The following FAM168A variants were observed in gnomAD, a reference collection of about 807,000 sequenced individuals.
FAM168A encodes protein FAM168A.
Under a neutral mutation model 28.5 loss-of-function variants are expected in FAM168A, and 3 were observed. The ratio of observed to expected loss-of-function variants is 0.11; its 90% CI spans 0.05 to 0.27. FAM168A has a LOEUF of 0.27. FAM168A is among the 10% of genes least tolerant of loss of function. FAM168A has a pLI of 1.00. For synonymous variants in FAM168A, 122 were observed against 124.2 expected (o/e 0.98, Z 0.12); for missense variants, 222 against 311.5 (o/e 0.71, Z 2.16).
intron 1 of FAM168A, among the ~76,000 whole-genome samples, chr11:73,525,056 G>C (rs1429677986): frequency 7.1e-6 from 1 of 140,166 alleles, no homozygotes; most frequent in Non-Finnish European, 1.5e-5. Context: ...TGTTTCTCTT[G>C]TGCTTGTATG....
intron 2 of FAM168A, among the ~76,000 whole-genome samples, chr11:73,457,746 A>AAAAAG (rs796775851): frequency 2.5e-4 from 35 of 138,480 alleles, no homozygotes; most frequent in East Asian, 7.8e-4. Flanking sequence ...AAAAAAAAAA[A>AAAAAG]AAAAGAAAAG....
intron 2 of FAM168A, among the ~76,000 whole-genome samples, chr11:73,437,300 GT>G (rs1184958784): frequency 1.3e-5 from 2 of 151,370 alleles, no homozygotes; most frequent in Admixed American, 1.3e-4. Context: ...GTTTCATCAT[GT>G]TGGCCAAGCT....
chr11:73,500,181 A>G (rs1854977727), intron 1 of FAM168A, among the ~76,000 whole-genome samples: 1 of 152,132 alleles, frequency 6.6e-6, no homozygotes, highest in South Asian at 2.1e-4. Flanking sequence ...CTCTCAGCAG[A>G]AACTCTTCAA....
intron 1 of FAM168A, among the ~76,000 whole-genome samples, chr11:73,582,820 G>T (rs549961597): frequency 2.2e-4 from 33 of 152,314 alleles, no homozygotes; most frequent in Non-Finnish European, 4.3e-4. Flanking sequence ...CATTCCAAGT[G>T]AGATTCCAGG....
chr11:73,511,433 T>C (rs1855224487), intron 1 of FAM168A, among the ~76,000 whole-genome samples: 1 of 151,980 alleles, frequency 6.6e-6, no homozygotes, highest in Non-Finnish European at 1.5e-5. Context: ...AGACGGGGTT[T>C]CACCTGTGTT....
intron 1 of FAM168A, among the ~76,000 whole-genome samples, chr11:73,469,468 G>C (rs1036708739): frequency 3.3e-5 from 5 of 152,176 alleles, no homozygotes; most frequent in African/African-American, 1.2e-4. Flanking sequence ...AAATGTTGAA[G>C]GCAGGCAGTG....
At chr11:73,430,301 T>C (rs1001083740) in intron 3 of FAM168A, 14 of 244,480 alleles carry the variant, frequency 5.7e-5, no homozygotes, top group Non-Finnish European at 1.1e-4. Flanking sequence ...TGTGTGTGTG[T>C]GTCCCAAGGG....
At chr11:73,444,101 C>G (rs774599916) in intron 2 of FAM168A, among the ~76,000 whole-genome samples, 1 of 152,190 alleles carries the variant, frequency 6.6e-6, no homozygotes, top group Admixed American at 6.5e-5. Context: ...ATTTACCAGA[C>G]ATAATATCAT....
chr11:73,474,926 G>A (rs1051232761), intron 1 of FAM168A, among the ~76,000 whole-genome samples: 6 of 152,156 alleles, frequency 3.9e-5, no homozygotes, highest in African/African-American at 1.4e-4. Context: ...GCCCAGAGAA[G>A]CCTCTACTAG....
At chr11:73,446,991 C>T (rs1867328245) in intron 2 of FAM168A, among the ~76,000 whole-genome samples, 1 of 152,208 alleles carries the variant, frequency 6.6e-6, no homozygotes, top group Non-Finnish European at 1.5e-5. Context: ...ATTTAGATGT[C>T]CTATTTCTTC....
rs530560520 is a variant in FAM168A at position 73,449,751 on chromosome 11, C to T, written c.70+18654G>A. ...CCATGCAGGCATAAGGCAACAGAGT[C>T]CAATGAACTCAGCATAAACTTACAA... On this transcript the variant is annotated intron_variant, in intron 2 of 7. Transcript: ENST00000356467. 8.5e-5 allele frequency among the ~76,000 whole-genome samples: 13 copies of T among 152,346 alleles called. No homozygotes were observed. The South Asian group carries it at 2.7e-3, about 32-fold the overall frequency.
At chr11:73,490,872 G>C (rs892840604) in intron 1 of FAM168A, among the ~76,000 whole-genome samples, 1 of 151,964 alleles carries the variant, frequency 6.6e-6, no homozygotes, top group African/African-American at 2.4e-5. Flanking sequence ...AAGCTCCATG[G>C]TGATTCAGAT....
intron 1 of FAM168A, among the ~76,000 whole-genome samples, chr11:73,567,123 G>C (rs1448088657): frequency 6.6e-6 from 1 of 152,206 alleles, no homozygotes; most frequent in African/African-American, 2.4e-5. Flanking sequence ...GTCCACACAA[G>C]AGCTGCTGAG....
chr11:73,439,114 GGCA>G (rs1328789054), intron 2 of FAM168A, among the ~76,000 whole-genome samples: 1 of 152,150 alleles, frequency 6.6e-6, no homozygotes, highest in Non-Finnish European at 1.5e-5. Flanking sequence ...AGCCCAAGCA[GGCA>G]GCAGTTCTGT....
intron 2 of FAM168A, among the ~76,000 whole-genome samples, chr11:73,453,575 C>A (rs1867471413): frequency 6.6e-6 from 1 of 152,212 alleles, no homozygotes; most frequent in Non-Finnish European, 1.5e-5. Context: ...AAAGGTTCTT[C>A]CAGATCAATT....
intron 1 of FAM168A, among the ~76,000 whole-genome samples, chr11:73,485,687 C>T (rs997479033): frequency 5.9e-5 from 9 of 152,068 alleles, no homozygotes; most frequent in Non-Finnish European, 1.3e-4. Context: ...AAATTCATTC[C>T]CTTTAGGAAA....
In FAM168A at chr11:73,406,023, G is replaced by C. The variant is rs1335805705; in HGVS notation, c.*740C>G. 3.9e-5 allele frequency: 6 copies of C among 152,786 alleles called. No homozygotes were observed. In the East Asian group the frequency reaches 1.2e-3, roughly 29 times the overall value. 9.5% of individuals were successfully genotyped at this position (152,786 alleles called of 1,614,324 possible). ...GTGCAAATCAGAAGGTCCAGGGCCA[G>C]ATGCTTTGGCCAGAGACCTTTCAAA... On this transcript the variant is annotated 3_prime_UTR_variant, in exon 8 of 8. Coordinates refer to ENST00000356467, the MANE Select transcript of FAM168A (RefSeq NM_015159.3).
rs554959108 is a variant in FAM168A, at chr11:73,496,653, C to T, written c.-18-28161G>A. ...TCGGCTTGCTGCAAGCTCCGCCTCC[C>T]GCGTTCACGCCATTCTCCTGCCTCA... On this transcript the variant is annotated intron_variant, in intron 1 of 7. Coordinates refer to ENST00000356467, the MANE Select transcript of FAM168A (RefSeq NM_015159.3). Among the ~76,000 whole-genome samples, 8 of 152,286 alleles carry T rather than the reference C, an allele frequency of 5.3e-5. No individual in the cohort carries two copies. The South Asian group carries it at 1.0e-3, about 20-fold the overall frequency.
At chr11:73,594,929 C>T (rs529673053) in intron 1 of FAM168A, among the ~76,000 whole-genome samples, 1 of 152,296 alleles carries the variant, frequency 6.6e-6, no homozygotes, top group East Asian at 1.9e-4. Flanking sequence ...ATGGGCTATT[C>T]GTTCCACAAA....
Sources: allele counts gnomAD v4.1 joint callset (sites outside exome capture counted in the v4.1 genomes callset), GRCh38; gene constraint gnomAD v4.1.1; transcripts MANE v1.5; gene names NCBI Gene and HGNC (gene_info 2026-07-23, HGNC 2026-07-21).